Variants in MACF1 observed in about 807,000 individuals in gnomAD.
MACF1 encodes the protein microtubule-actin cross-linking factor 1.
Under a neutral mutation model 854.8 loss-of-function variants are expected in MACF1, and 193 were observed. That is an observed-to-expected ratio of 0.23 (90% confidence interval 0.20 to 0.25). MACF1 has a LOEUF of 0.25. Ranked by LOEUF, MACF1 falls within the 10% of genes least tolerant of loss-of-function variation. The probability of loss-of-function intolerance (pLI) is 1.00; values close to 1 mark genes in which losing one functional copy is unlikely to be tolerated. For missense variants in MACF1, 7,722 were observed against 8,929.1 expected (o/e 0.86, Z 5.45); for synonymous variants, 3,185 against 3,226.7 (o/e 0.99, Z 0.44).
At position 39,451,093 on chromosome 1, in the gene MACF1, T is replaced by C; in HGVS notation, c.20300T>C (p.Phe6767Ser). 1 of 1,614,186 alleles carries C rather than the reference T, an allele frequency of 6.2e-7. No individual in the cohort carries two copies. The highest frequency in any genetic ancestry group is 8.5e-7 in the Non-Finnish European group (1 of 1,180,024). Residue 6767 changes from phenylalanine to serine, a missense_variant, in exon 85 of 101, where the codon TTC becomes TCC. Physicochemically the swap from Phe to Ser is radical, Grantham distance 155 (BLOSUM62 -2). Transcript: ENST00000564288. ...GAAGCCCTGCTCTTTTCGGGTCAGT[T>C]CATGGATGCTTTGCAGGCATTGGTT... Reference protein sequence around the residue: ...LEEALLFSGQFMDALQALVDW... With the variant: ...LEEALLFSGQSMDALQALVDW...
intron 57 of MACF1, among the ~76,000 whole-genome samples, chr1:39,386,277 C>T (rs892272859): frequency 6.1e-5 from 9 of 148,576 alleles, no homozygotes; most frequent in Non-Finnish European, 3.0e-5. Flanking sequence ...ATGCATACCA[C>T]ACACACACGG....
At chr1:39,477,071 A>ACACT (rs1469765880) in intron 97 of MACF1, among the ~76,000 whole-genome samples, 3 of 16,810 alleles carry the variant, frequency 1.8e-4, no homozygotes, top group Non-Finnish European at 3.1e-4. Context: ...ATATATATAT[A>ACACT]TATATATATA....
chr1:39,349,757 C>T, intron 42 of MACF1, 130 bp downstream of exon 42: 2 of 967,134 alleles, frequency 2.1e-6, no homozygotes, highest in East Asian at 5.6e-5. Flanking sequence ...CTCAGCCTCC[C>T]CAGGAGCTGG....
rs768625818 is a variant in MACF1, at chr1:39,439,308, C to G, written c.18255C>G (p.Phe6085Leu). Residue 6085 changes from phenylalanine (F) to leucine (L), a missense_variant, in exon 72 of 101, where the codon TTC (phenylalanine) becomes TTG (leucine). Physicochemically the swap from Phe to Leu is conservative, Grantham distance 22. Around this residue, in one of 15 missense-constraint regions of MACF1, gnomAD observed 2,807 missense variants for 3,235.8 expected, o/e 0.87. Transcript: ENST00000564288. Reference protein sequence around the residue: ...IQDKLDQMVFFWEDIKARAEE... With the variant: ...IQDKLDQMVFLWEDIKARAEE... ...ATAAATTGGATCAAATGGTATTCTTCTGGGAGGACATCAAAGCTCGGGCTG... is the reference window on the plus strand; with the variant it reads ...ATAAATTGGATCAAATGGTATTCTTGTGGGAGGACATCAAAGCTCGGGCTG... 1.2e-6 allele frequency: 2 copies of G among 1,613,608 alleles called. No homozygotes were observed. The highest frequency in any genetic ancestry group is 1.3e-5 in the African/African-American group (1 of 74,872).
At chr1:39,176,806 C>G (rs1370067255) in intron 2 of MACF1, among the ~76,000 whole-genome samples, 3 of 152,194 alleles carry the variant, frequency 2.0e-5, no homozygotes, top group African/African-American at 7.2e-5. Context: ...TATTGACAAG[C>G]TTAAACCATG....
In MACF1 at chr1:39,105,850, C is replaced by A; in HGVS notation, c.220+21412C>A. ...CCACCGCGCGGGGCTTGGCCCTGAG[C>A]TGCTGCTTCTCGGGGCCAGTTTATT... On this transcript the variant is annotated intron_variant, in intron 2 of 93. Coordinates refer to the MACF1 transcript ENST00000361689. The surrounding 1 kb of genome is among the most constrained non-coding windows in gnomAD (Gnocchi z 5.9). 1 of 690,838 alleles carries A rather than the reference C, an allele frequency of 1.4e-6. No individual in the cohort carries two copies. Among genetic ancestry groups the A allele is most frequent in the Non-Finnish European group, 1.8e-6 (1 of 560,254 alleles). 42.8% of individuals were successfully genotyped at this position (690,838 alleles called of 1,614,324 possible).
At chr1:39,175,675 G>A (rs930343495) in intron 2 of MACF1, among the ~76,000 whole-genome samples, 5 of 151,932 alleles carry the variant, frequency 3.3e-5, no homozygotes, top group East Asian at 1.9e-4. Flanking sequence ...CCTCACTGCC[G>A]GGGGCAGTGG....
At chr1:39,098,110 T>G (rs1641980560) in intron 2 of MACF1, among the ~76,000 whole-genome samples, 1 of 152,172 alleles carries the variant, frequency 6.6e-6, no homozygotes, top group Non-Finnish European at 1.5e-5. Flanking sequence ...TTGGGTATGG[T>G]TCAGCAGGGC....
rs890947222 is a variant in MACF1 at position 39,105,138 on chromosome 1, CCT to C, written c.220+20704_220+20705del. Among the ~76,000 whole-genome samples the C allele has an allele frequency of 2.0e-5, 3 of 151,986 alleles. No homozygotes were observed. Among genetic ancestry groups the C allele is most frequent in the African/African-American group, 7.2e-5 (3 of 41,422 alleles). On this transcript the variant is annotated intron_variant, in intron 2 of 93. Coordinates refer to the MACF1 transcript ENST00000361689. The surrounding 1 kb of genome is among the most constrained non-coding windows in gnomAD (Gnocchi z 5.9). The stretch of plus-strand genomic sequence containing the variant: ...CCAGCGGGACTCCCGCGTGGGCCGG[CCT>C]CTCGCGCCCCTCGGCTCGGGCCCCA...
intron 1 of MACF1, among the ~76,000 whole-genome samples, chr1:39,215,652 T>C (rs1571183414): frequency 6.6e-6 from 1 of 152,066 alleles, no homozygotes; most frequent in East Asian, 1.9e-4. Context: ...GCTTTGGGTG[T>C]AGAACTTTTT....
At position 39,310,891 on chromosome 1, in the gene MACF1, G is replaced by T; in HGVS notation, c.3161G>T (p.Arg1054Leu). The change falls in exon 26 of 101, where the codon CGC (arginine) becomes CTC (leucine). Residue 1054 changes from arginine to leucine, a missense_variant. Coordinates refer to ENST00000564288, the MANE Select transcript of MACF1 (RefSeq NM_001394062.1). Reference sequence around the variant, plus strand: ...TCAGAGTTGAAGAACATCCGGCTACGCCTGGAGGAGTATGAACAGAGGGTG... The same window carrying T: ...TCAGAGTTGAAGAACATCCGGCTACTCCTGGAGGAGTATGAACAGAGGGTG... ...YISELKNIRL[R>L]LEEYEQRVVK... 1 of 1,614,180 alleles carries T rather than the reference G, an allele frequency of 6.2e-7. No individual in the cohort carries two copies. The highest frequency in any genetic ancestry group is 8.5e-7 in the Non-Finnish European group (1 of 1,180,016).
rs1448425931 is a variant in MACF1 at position 39,318,631 on chromosome 1, G to T, written c.3945+16G>T. On this transcript the variant is annotated intron_variant, in intron 30 of 100. Transcript: ENST00000564288. ...CCAGCAGACGGTGAGTGTGGTAGTAGCTCTGGCGAGAAGAGTTAGAAATTT... is the reference window on the plus strand; with the variant it reads ...CCAGCAGACGGTGAGTGTGGTAGTATCTCTGGCGAGAAGAGTTAGAAATTT... 1 of 1,580,420 alleles carries T rather than the reference G, an allele frequency of 6.3e-7. No homozygotes were observed. Among genetic ancestry groups the T allele is most frequent in the Non-Finnish European group, 8.6e-7 (1 of 1,164,750 alleles).
At chr1:39,193,789 AGG>A (rs756808703) in intron 2 of MACF1, among the ~76,000 whole-genome samples, 3 of 151,994 alleles carry the variant, frequency 2.0e-5, no homozygotes, top group Non-Finnish European at 2.9e-5. Flanking sequence ...TAAGAGAGAG[AGG>A]GAGAGAGAGA....
At chr1:39,337,562 ATTTTTTTT>A (rs35312351) in intron 38 of MACF1, among the ~76,000 whole-genome samples, 6 of 100,154 alleles carry the variant, frequency 6.0e-5, no homozygotes, top group African/African-American at 1.9e-4. Context: ...AATTACTACC[ATTTTTTTT>A]TTTTTTTTTT....
Position 39,331,318 on chromosome 1 carries a change from C to A in MACF1, c.4730C>A (p.Ser1577Tyr). ...DQDTGLVLLE[S>Y]QVIMSGLIAP... ...GACACAGGCCTAGTGCTTCTGGAAT[C>A]TCAGGTTATCATGTCTGGCCTCATT... is the stretch of plus-strand genomic sequence containing the variant. The change falls in exon 37 of 101, where the codon TCT becomes TAT. Residue 1577 changes from serine (S) to tyrosine (Y), a missense_variant. By Grantham distance (144) the Ser-to-Tyr change is moderately radical. Transcript: ENST00000564288. The A allele has an allele frequency of 6.2e-7, 1 of 1,613,706 alleles. No individual in the cohort carries two copies. The highest frequency in any genetic ancestry group is 8.5e-7 in the Non-Finnish European group (1 of 1,179,942).
chr1:39,415,381 G>A (rs1643253573), intron 58 of MACF1, among the ~76,000 whole-genome samples: 1 of 150,804 alleles, frequency 6.6e-6, no homozygotes, highest in Non-Finnish European at 1.5e-5. Context: ...AGGCTGGAGT[G>A]CTAGAGTGCA....
Position 39,358,866 on chromosome 1 carries a change from C to T in MACF1, c.12113C>T (p.Thr4038Ile), listed in dbSNP as rs141410561. ...DPGVLQEQLA[T>I]TKQLQEELAE... ...GGAGTTCTCCAGGAGCAGCTTGCAA[C>T]AACAAAGGTAAGTCAGGACACAGGC... The change falls in exon 46 of 101, where the codon ACA becomes ATA. Residue 4038 changes from threonine to isoleucine, a missense_variant. Coordinates refer to ENST00000564288, the MANE Select transcript of MACF1 (RefSeq NM_001394062.1). 6.8e-6 allele frequency: 11 copies of T among 1,607,516 alleles called. No individual in the cohort carries two copies. The African/African-American group carries it at 1.3e-4, about 20-fold the overall frequency.
Position 39,335,172 on chromosome 1 carries a change from A to G in MACF1, c.8584A>G (p.Lys2862Glu), listed in dbSNP as rs1483469623. Residue 2862 changes from lysine to glutamate, a missense_variant, in exon 37 of 101, where the codon AAA (lysine) becomes GAA (glutamate). By Grantham distance (56) the Lys-to-Glu change is moderately conservative. Around this residue, in one of 15 missense-constraint regions of MACF1, gnomAD observed 854 missense variants for 852.6 expected, o/e 1.00. Coordinates refer to ENST00000564288, the MANE Select transcript of MACF1 (RefSeq NM_001394062.1). ...TAAGCCAAGAATGTCTTCAGATGCTAAAGAATTTATCAGTATCATAAATCC... is the reference window on the plus strand; with the variant it reads ...TAAGCCAAGAATGTCTTCAGATGCTGAAGAATTTATCAGTATCATAAATCC... The part of the protein sequence containing the change: ...QRKPRMSSDA[K>E]EFISIINPHN... The G allele has an allele frequency of 1.9e-6, 3 of 1,613,976 alleles. No homozygotes were observed. Among genetic ancestry groups the G allele is most frequent in the Non-Finnish European group, 2.5e-6 (3 of 1,179,950 alleles).
intron 2 of MACF1, among the ~76,000 whole-genome samples, chr1:39,179,222 C>A (rs967841165): frequency 2.6e-5 from 4 of 152,206 alleles, no homozygotes; most frequent in African/African-American, 7.2e-5. Flanking sequence ...TGCTCATATT[C>A]CACCCCTTCC....
Sources: allele counts gnomAD v4.1 joint callset (sites outside exome capture counted in the v4.1 genomes callset), GRCh38; gene constraint gnomAD v4.1.1; regional missense constraint gnomAD v4.1.1; non-coding constraint Gnocchi (gnomAD v3.1); transcripts MANE v1.5; gene names NCBI Gene and HGNC (gene_info 2026-07-23, HGNC 2026-07-21).